The following KLF17 variants were observed in gnomAD, a reference collection of about 807,000 sequenced individuals.
The protein encoded by KLF17 is Krueppel-like factor 17.
A neutral mutation model predicts 34.2 loss-of-function variants in KLF17; 31 were observed. The observed-to-expected ratio is 0.91, with a 90% CI of 0.68 to 1.22. The LOEUF is 1.22. Among genes scored for constraint, KLF17 ranks in the 50% most tolerant of loss-of-function variants. KLF17 has a pLI of 0.00. For missense variants in KLF17, 478 were observed against 505.2 expected (o/e 0.95, Z 0.52); for synonymous variants, 179 against 186.7 (o/e 0.96, Z 0.34).
At chr1:44,077,905 A>G in the KLF17 span, among the ~76,000 whole-genome samples, 1 of 152,226 alleles carries the variant, frequency 6.6e-6, no homozygotes, top group Non-Finnish European at 1.5e-5. Context: ...TCAAGGTCAC[A>G]TTGTACAGAA....
the KLF17 span, among the ~76,000 whole-genome samples, chr1:44,077,944 C>T: frequency 6.6e-6 from 1 of 152,182 alleles, no homozygotes; most frequent in Non-Finnish European, 1.5e-5. Flanking sequence ...ATTGTTGCAG[C>T]CGTCTTTGGA....
At chr1:44,049,953 A>G in the KLF17 span, among the ~76,000 whole-genome samples, 1 of 152,238 alleles carries the variant, frequency 6.6e-6, no homozygotes, top group East Asian at 1.9e-4. Context: ...TGACTTAAGT[A>G]GGAAAAGAAT....
At chr1:44,100,799 T>C in the KLF17 span, among the ~76,000 whole-genome samples, 49,320 of 151,910 alleles carry the variant, frequency 0.32, 8,150 homozygotes, top group South Asian at 0.38. Flanking sequence ...GGATTACAGG[T>C]GTGAGCCACC....
chr1:44,094,874 G>A, the KLF17 span, among the ~76,000 whole-genome samples: 2 of 150,352 alleles, frequency 1.3e-5, no homozygotes, highest in Non-Finnish European at 3.0e-5. Flanking sequence ...TTCTAGTTTT[G>A]TGAAAAATGT....
At chr1:44,100,973 A>G in the KLF17 span, among the ~76,000 whole-genome samples, 3 of 152,248 alleles carry the variant, frequency 2.0e-5, no homozygotes, top group East Asian at 5.8e-4. Context: ...TTTCTGGAGT[A>G]CTATAAACAT....
chr1:44,117,825 C>G (rs1021476692), upstream of KLF17, among the ~76,000 whole-genome samples: 24 of 152,310 alleles, frequency 1.6e-4, no homozygotes, highest in African/African-American at 5.3e-4. Context: ...ACTGGTGTCT[C>G]TGCACCCCTC....
chr1:44,051,057 G>T, the KLF17 span: 1 of 150,988 alleles, frequency 6.6e-6, no homozygotes, highest in African/African-American at 2.4e-5. Context: ...TGCGGCAGAA[G>T]AGAGAAAACG....
the KLF17 span, among the ~76,000 whole-genome samples, chr1:44,112,369 C>T: frequency 6.9e-3 from 1,047 of 152,212 alleles, 14 homozygotes; most frequent in African/African-American, 0.023. Context: ...TACTCCAGCT[C>T]TCTCCAATGT....
chr1:44,130,737 C>T lies in KLF17; in HGVS notation c.1151C>T (p.Pro384Leu), dbSNP rs2088099274. ...AACAACAATGGAGAGCAGGACAGTC[C>T]TCCTGCTGCTGGTCCTTAGGTCAGT... The part of the protein sequence containing the change: ...ANNNNGEQDS[P>L]PAAGP The change falls in exon 3 of 4, where the codon CCT (proline) becomes CTT (leucine). Residue 384 changes from proline to leucine, a missense_variant. Pro to Leu is a moderately conservative substitution (Grantham distance 98). Coordinates refer to ENST00000372299, the MANE Select transcript of KLF17 (RefSeq NM_173484.4). 1.9e-6 allele frequency: 3 copies of T among 1,613,520 alleles called. No homozygotes were observed. Among genetic ancestry groups the T allele is most frequent in the Middle Eastern group, 3.3e-4 (2 of 6,062 alleles).
intron 1 of KLF17, among the ~76,000 whole-genome samples, chr1:44,125,931 CTCTG>C (rs2088002273): frequency 6.6e-6 from 1 of 152,162 alleles, no homozygotes; most frequent in Admixed American, 6.5e-5. Context: ...GGCTGCCAAC[CTCTG>C]TCTGCACCTC....
chr1:44,099,402 C>CTAAA, the KLF17 span, among the ~76,000 whole-genome samples: 2 of 151,912 alleles, frequency 1.3e-5, no homozygotes, highest in Non-Finnish European at 1.5e-5. Flanking sequence ...AGACAGTCTT[C>CTAAA]TAAATAAATA....
chr1:44,068,499 C>G, the KLF17 span, among the ~76,000 whole-genome samples: 1 of 152,230 alleles, frequency 6.6e-6, no homozygotes, highest in Non-Finnish European at 1.5e-5. Flanking sequence ...GTTACTGGGG[C>G]AGAGAGAACC....
chr1:44,087,439 T>A, the KLF17 span, among the ~76,000 whole-genome samples: 73 of 151,034 alleles, frequency 4.8e-4, no homozygotes, highest in East Asian at 5.1e-3. Flanking sequence ...CAAAAAAAAA[T>A]TTTTTTTAAA....
At chr1:44,053,760 A>C in the KLF17 span, among the ~76,000 whole-genome samples, 2 of 152,228 alleles carry the variant, frequency 1.3e-5, no homozygotes, top group Non-Finnish European at 2.9e-5. Flanking sequence ...TTTACAGAGG[A>C]GTTTGTTAAG....
chr1:44,124,747 C>T (rs769928478), intron 1 of KLF17, among the ~76,000 whole-genome samples: 7 of 152,068 alleles, frequency 4.6e-5, no homozygotes, highest in Admixed American at 1.3e-4. Flanking sequence ...CCACCCACCT[C>T]GGTCTCCCAA....
At chr1:44,102,337 C>T in the KLF17 span, among the ~76,000 whole-genome samples, 7 of 151,958 alleles carry the variant, frequency 4.6e-5, no homozygotes, top group East Asian at 3.9e-4. Flanking sequence ...AGATCACTTG[C>T]GGTCAGGAGT....
At chr1:44,074,690 A>C in the KLF17 span, 1 of 152,232 alleles carries the variant, frequency 6.6e-6, no homozygotes, top group Non-Finnish European at 1.5e-5. Context: ...TGACTTTCTG[A>C]AATTTTCTAA....
Position 44,129,951 on chromosome 1 carries a change from C to G in KLF17, c.680C>G (p.Ser227Cys). ...GACCTTGGGATGCCCCCAGCTGAGT[C>G]CCAGTCATTGCTGGTTTTAGGATCT... The part of the protein sequence containing the change: ...AHDLGMPPAE[S>C]QSLLVLGSQD... The change falls in exon 2 of 4, where the codon TCC becomes TGC. Residue 227 changes from serine to cysteine, a missense_variant. By Grantham distance (112) the Ser-to-Cys change is moderately radical. Transcript: ENST00000372299. The G allele has an allele frequency of 1.2e-6, 2 of 1,614,172 alleles. No homozygotes were observed. The highest frequency in any genetic ancestry group is 1.7e-6 in the Non-Finnish European group (2 of 1,180,030).
At chr1:44,118,193 A>G (rs2087901079), upstream of KLF17, among the ~76,000 whole-genome samples, 1 of 152,210 alleles carries the variant, frequency 6.6e-6, no homozygotes, top group African/African-American at 2.4e-5. Context: ...TAACAACTTT[A>G]TTACTCATTT....
Sources: allele counts gnomAD v4.1 joint callset (sites outside exome capture counted in the v4.1 genomes callset), GRCh38; gene constraint gnomAD v4.1.1; transcripts MANE v1.5; gene names NCBI Gene and HGNC (gene_info 2026-07-23, HGNC 2026-07-21).